MEI4: variants seen among roughly 807,000 people sequenced by gnomAD.
MEI4 encodes the protein meiosis-specific protein MEI4.
In MEI4, 27 loss-of-function variants were observed where a neutral mutation model predicts 31.4. The observed-to-expected ratio is 0.86, with a 90% CI of 0.63 to 1.19. The LOEUF is 1.19. Ranked by LOEUF, MEI4 falls within the 50% of genes most tolerant of loss-of-function variation. MEI4 has a pLI of 0.00. For synonymous variants in MEI4, 122 were observed against 145.4 expected (o/e 0.84, Z 1.16); for missense variants, 329 against 398.9 (o/e 0.82, Z 1.49).
intron 4 of MEI4, among the ~76,000 whole-genome samples, chr6:77,832,040 T>G (rs1453800311): frequency 2.0e-5 from 3 of 152,048 alleles, no homozygotes; most frequent in Non-Finnish European, 4.4e-5. Flanking sequence ...CCCCAGTATA[T>G]GTACAACTCT....
chr6:77,841,540 C>A (rs972871494), intron 4 of MEI4, among the ~76,000 whole-genome samples: 2 of 151,056 alleles, frequency 1.3e-5, no homozygotes, highest in Admixed American at 1.3e-4. Flanking sequence ...TGGAGTTTCA[C>A]CATGTTGGCC....
At chr6:77,707,982 C>T (rs571979181) in intron 2 of MEI4, among the ~76,000 whole-genome samples, 1 of 152,320 alleles carries the variant, frequency 6.6e-6, no homozygotes, top group East Asian at 1.9e-4. Flanking sequence ...GGGGTGGAAC[C>T]CTTGTAGAGA....
chr6:77,660,344 G>A (rs906165337), intron 1 of MEI4, among the ~76,000 whole-genome samples: 7 of 152,246 alleles, frequency 4.6e-5, no homozygotes, highest in Non-Finnish European at 8.8e-5. Flanking sequence ...TGGAAATATT[G>A]GAGGGTGCCT....
intron 4 of MEI4, among the ~76,000 whole-genome samples, chr6:77,831,803 A>G (rs1164312077): frequency 6.6e-6 from 1 of 151,922 alleles, no homozygotes; most frequent in Non-Finnish European, 1.5e-5. Context: ...GTTAGATAGA[A>G]GGAAAAAGTT....
intron 4 of MEI4, among the ~76,000 whole-genome samples, chr6:77,836,686 AATC>A (rs1214510237): frequency 3.9e-5 from 6 of 152,134 alleles, no homozygotes; most frequent in African/African-American, 1.4e-4. Context: ...AAAGAAAAGT[AATC>A]ATAGCTCTGA....
chr6:77,695,360 T>C (rs1056088001), intron 2 of MEI4, among the ~76,000 whole-genome samples: 1 of 151,796 alleles, frequency 6.6e-6, no homozygotes, highest in Non-Finnish European at 1.5e-5. Flanking sequence ...CTGAATGGTA[T>C]TGCCTAGGTT....
At chr6:77,830,099 A>C (rs1770043705) in intron 4 of MEI4, among the ~76,000 whole-genome samples, 1 of 152,088 alleles carries the variant, frequency 6.6e-6, no homozygotes, top group East Asian at 1.9e-4. Flanking sequence ...TTTTCATAGG[A>C]GTTCCAAGAT....
At chr6:77,883,229 C>A (rs1771530462) in intron 4 of MEI4, among the ~76,000 whole-genome samples, 1 of 152,018 alleles carries the variant, frequency 6.6e-6, no homozygotes, top group Non-Finnish European at 1.5e-5. Flanking sequence ...TGATATTTTG[C>A]ATATGATCTG....
chr6:77,777,004 G>A lies in MEI4; in HGVS notation c.768+15339G>A, dbSNP rs553181336. Among the ~76,000 whole-genome samples the A allele has an allele frequency of 1.4e-3, 212 of 152,262 alleles. 1 individual carries two copies. The highest frequency in any genetic ancestry group is 4.5e-3 in the African/African-American group (186 of 41,562). ...GTGGCTTATTTTGGTGCTGTAAGTA[G>A]AAATGGAGATATGTATGCACCTAAA... is the stretch of plus-strand genomic sequence containing the variant. On this transcript the variant is annotated intron_variant, in intron 3 of 4. Transcript: ENST00000684080.
intron 4 of MEI4, among the ~76,000 whole-genome samples, chr6:77,859,873 T>A (rs184101125): frequency 6.6e-6 from 1 of 152,184 alleles, no homozygotes; most frequent in African/African-American, 2.4e-5. Flanking sequence ...GTACTTCTGA[T>A]CCACAGTGAT....
intron 4 of MEI4, among the ~76,000 whole-genome samples, chr6:77,849,738 T>G (rs547224180): frequency 6.8e-4 from 103 of 152,334 alleles, no homozygotes; most frequent in African/African-American, 1.8e-3. Flanking sequence ...GTGCCTGGAA[T>G]GCCAAAGTAG....
chr6:77,773,395 C>G (rs576134181), intron 3 of MEI4, among the ~76,000 whole-genome samples: 2 of 151,930 alleles, frequency 1.3e-5, no homozygotes, highest in Non-Finnish European at 2.9e-5. Flanking sequence ...CTACAGTGAA[C>G]TCATTTTTGA....
At chr6:77,699,910 G>A (rs975591188) in intron 2 of MEI4, among the ~76,000 whole-genome samples, 24 of 152,096 alleles carry the variant, frequency 1.6e-4, no homozygotes, top group Non-Finnish European at 3.2e-4. Context: ...GTAGAACAGC[G>A]GATTTTGGTG....
chr6:77,659,005 C>T (rs1183063213), intron 1 of MEI4, among the ~76,000 whole-genome samples: 64 of 152,086 alleles, frequency 4.2e-4, no homozygotes, highest in Admixed American at 1.2e-3. Context: ...AAGGCCTCGG[C>T]GGTTTTGGAG....
At position 77,924,413 on chromosome 6, in the gene MEI4, T is replaced by C. The variant is rs1283334758; in HGVS notation, c.*1067T>C. 1 of 151,914 alleles carries C rather than the reference T, an allele frequency of 6.6e-6. No homozygotes were observed. Among genetic ancestry groups the C allele is most frequent in the African/African-American group, 2.4e-5 (1 of 41,404 alleles). The allele number at this position is 151,914 out of a possible 1,614,324, so 9.4% of individuals were successfully genotyped here. A position where few individuals can be genotyped will look rare whatever the true frequency, so the allele number is the denominator to read the frequency against. On this transcript the variant is annotated 3_prime_UTR_variant, in exon 5 of 5. Coordinates refer to ENST00000684080, the MANE Select transcript of MEI4 (RefSeq NM_001322247.2). The stretch of plus-strand genomic sequence containing the variant: ...CTAGCATTTTTGAAAAGATAATGCC[T>C]TTTTGATAATCCTGAAACTACATGT...
At chr6:77,742,861 C>T (rs963348545) in intron 2 of MEI4, among the ~76,000 whole-genome samples, 1 of 151,994 alleles carries the variant, frequency 6.6e-6, no homozygotes, top group Non-Finnish European at 1.5e-5. Context: ...TTCCCAGCAC[C>T]ATTTATTAAA....
At chr6:77,745,495 A>C (rs1478805785) in intron 2 of MEI4, among the ~76,000 whole-genome samples, 1 of 152,190 alleles carries the variant, frequency 6.6e-6, no homozygotes, top group African/African-American at 2.4e-5. Context: ...CTACATAGAG[A>C]CTTAGACTCC....
intron 2 of MEI4, among the ~76,000 whole-genome samples, chr6:77,699,189 C>CTTTTTT (rs70974682): frequency 8.8e-5 from 10 of 113,828 alleles, no homozygotes; most frequent in African/African-American, 1.4e-4. Context: ...TTCAAAGTTT[C>CTTTTTT]TTTTTTTTTT....
intron 4 of MEI4, among the ~76,000 whole-genome samples, chr6:77,863,731 G>A (rs1305233213): frequency 1.3e-5 from 2 of 152,098 alleles, no homozygotes; most frequent in Non-Finnish European, 2.9e-5. Flanking sequence ...CACAGAGAAT[G>A]CCACAAAGAT....
Sources: allele counts gnomAD v4.1 joint callset (sites outside exome capture counted in the v4.1 genomes callset), GRCh38; gene constraint gnomAD v4.1.1; transcripts MANE v1.5; gene names NCBI Gene and HGNC (gene_info 2026-07-23, HGNC 2026-07-21).